The following TGDS variants were observed in gnomAD, a reference collection of about 807,000 sequenced individuals.
The protein encoded by TGDS is TDP-glucose 4,6-dehydratase.
Under a neutral mutation model 52.3 loss-of-function variants are expected in TGDS, and 47 were observed. That is an observed-to-expected ratio of 0.90 (90% CI 0.71 to 1.15). The LOEUF is 1.15. Among genes scored for constraint, TGDS ranks in the 50% most tolerant of loss-of-function variants. TGDS has a pLI of 0.00. For synonymous variants in TGDS, 115 were observed against 136.9 expected (o/e 0.84, Z 1.12); for missense variants, 375 against 418.4 (o/e 0.90, Z 0.90).
intron 4 of TGDS, among the ~76,000 whole-genome samples, chr13:94,588,761 T>C (rs1889089903): frequency 6.6e-6 from 1 of 152,176 alleles, no homozygotes; most frequent in Non-Finnish European, 1.5e-5. Flanking sequence ...ATTAACCAAG[T>C]AGAAGGACTT....
At chr13:94,593,768 G>A (rs1353112562) in intron 2 of TGDS, 73 bp downstream of exon 2, 1 of 1,102,306 alleles carries the variant, frequency 9.1e-7, no homozygotes, top group East Asian at 2.4e-5. Context: ...AGCATGACAA[G>A]ATTCTAGTAC....
chr13:94,595,905 T>G lies in TGDS; in HGVS notation c.86+146A>C. 3 of 827,886 alleles carry G rather than the reference T, an allele frequency of 3.6e-6. No individual in the cohort carries two copies. The South Asian group carries it at 4.6e-5, about 13-fold the overall frequency. The allele number at this position is 827,886 out of a possible 1,614,324, so 51.3% of individuals were successfully genotyped here. A position where few individuals can be genotyped will look rare whatever the true frequency, so the allele number is the denominator to read the frequency against. On this transcript the variant is annotated intron_variant, in intron 1 of 11. Coordinates refer to ENST00000261296, the MANE Select transcript of TGDS (RefSeq NM_014305.4). ...CTTTGCAGGCCAGAGAGAGAAAAGC[T>G]GGTCCAGGTCGTGCATTAGGACCCT...
intron 11 of TGDS, 124 bp downstream of exon 11, chr13:94,576,190 G>T: frequency 1.8e-6 from 1 of 561,268 alleles, no homozygotes; most frequent in Non-Finnish European, 2.8e-6. Flanking sequence ...ATGAAATGTG[G>T]CAATTTGAAA....
At position 94,577,033 on chromosome 13, in the gene TGDS, C is replaced by T. The variant is rs189572844; in HGVS notation, c.884+338G>A. 3.4e-3 allele frequency among the ~76,000 whole-genome samples: 519 copies of T among 150,670 alleles called. 5 individuals are homozygous for T. Among genetic ancestry groups the T allele is most frequent in the African/African-American group, 0.012 (486 of 40,922 alleles). On this transcript the variant is annotated intron_variant, in intron 10 of 11. Coordinates refer to ENST00000261296, the MANE Select transcript of TGDS (RefSeq NM_014305.4). ...GGAGAACTGCTTGAACCTGGGAAGG[C>T]AGAGATTGCAGTGAGCCGAGATTGC...
At position 94,593,831 on chromosome 13, in the gene TGDS, TA is replaced by T; in HGVS notation, c.153+9del. 1 of 1,538,304 alleles carries T rather than the reference TA, an allele frequency of 6.5e-7. No homozygotes were observed. Among genetic ancestry groups the T allele is most frequent in the Non-Finnish European group, 8.9e-7 (1 of 1,124,830 alleles). Reference sequence around the variant, plus strand: ...TTTCAGTGCATGATGCTCATTTTTATAAAACTCACCTTGTCTAGATTTATGA... The same window carrying T: ...TTTCAGTGCATGATGCTCATTTTTATAAACTCACCTTGTCTAGATTTATGA... On this transcript the variant is annotated intron_variant, in intron 2 of 11. Transcript: ENST00000261296.
rs752263870 is a variant in TGDS at position 94,574,845 on chromosome 13, C to T, written c.990G>A (p.Trp330Ter). 6.3e-7 allele frequency: 1 copy of T among 1,574,886 alleles called. No individual in the cohort carries two copies. ...WKEGIKKTIE[W>*]YRENFHNWKN... is the part of the protein sequence containing the mutation. Reference sequence around the variant, plus strand: ...TCCAGTTGTGAAAATTCTCTCTGTACCATTCAACTAATAGGAAAAAACAAA... The same window carrying T: ...TCCAGTTGTGAAAATTCTCTCTGTATCATTCAACTAATAGGAAAAAACAAA... The change falls in exon 12 of 12, where the codon TGG becomes TGA. Residue 330 changes from tryptophan to a stop codon, truncating the protein, a stop_gained. Transcript: ENST00000261296. LOFTEE classifies it high-confidence loss of function.
chr13:94,581,367 T>G (rs1293027633), intron 5 of TGDS, among the ~76,000 whole-genome samples, 178 bp from the exon 6 acceptor site: 1 of 152,148 alleles, frequency 6.6e-6, no homozygotes, highest in Non-Finnish European at 1.5e-5. Context: ...ACAACAATCC[T>G]ATATAGCAGA....
intron 7 of TGDS, chr13:94,579,442 GCA>G (rs1164483975): frequency 6.5e-6 from 1 of 152,886 alleles, no homozygotes; most frequent in Non-Finnish European, 1.5e-5. Context: ...ATGAGTTGAG[GCA>G]CAGTTAGCCA....
chr13:94,592,219 A>T, intron 3 of TGDS, 22 bp downstream of exon 3: 3 of 1,565,434 alleles, frequency 1.9e-6, no homozygotes, highest in Non-Finnish European at 2.6e-6. Flanking sequence ...GGCACGGTAC[A>T]GTTACAAGAA....
In TGDS at chr13:94,596,056, A is replaced by G; in HGVS notation, c.81T>C (p.Gly27=). The change falls in exon 1 of 12, where the codon GGT becomes GGC. Residue 27 remains glycine (G), a synonymous_variant. Transcript: ENST00000261296. ...CTAGCGGCGCCATTACCTACATGAA[A>G]CCAGCACCGCCGGTCACCAGGACCC... ...AKRVLVTGGA[G]FIASHMIVSL... is the part of the protein sequence containing the mutation. The G allele has an allele frequency of 6.2e-7, 1 of 1,613,812 alleles. No homozygotes were observed. Among genetic ancestry groups the G allele is most frequent in the African/African-American group, 1.3e-5 (1 of 74,946 alleles).
rs73546623 is a variant in TGDS at position 94,577,481 on chromosome 13, A to G, written c.826-52T>C. 42,916 of 1,452,096 alleles carry G rather than the reference A, an allele frequency of 0.03. 2,223 individuals are homozygous for G. The highest frequency in any genetic ancestry group is 0.23 in the African/African-American group (15,780 of 68,580). The allele number at this position is 1,452,096 out of a possible 1,614,324, so 90.0% of individuals were successfully genotyped here. On this transcript the variant is annotated intron_variant, in intron 9 of 11. Transcript: ENST00000261296. ...TCAAATTATAAAATGAGATCAGAGA[A>G]TAACAATAGTATTTAATGGCTGATT...
At chr13:94,591,165 T>C (rs1889189039) in intron 3 of TGDS, among the ~76,000 whole-genome samples, 2 of 152,238 alleles carry the variant, frequency 1.3e-5, no homozygotes, top group Non-Finnish European at 2.9e-5. Context: ...AATATTTTAA[T>C]GAGCACCAAC....
chr13:94,588,446 A>T (rs1171619551), intron 4 of TGDS, among the ~76,000 whole-genome samples: 1 of 145,728 alleles, frequency 6.9e-6, no homozygotes, highest in Non-Finnish European at 1.5e-5. Context: ...AAAAAAAAAA[A>T]AAAAGAATGC....
intron 4 of TGDS, among the ~76,000 whole-genome samples, chr13:94,590,196 C>T (rs1006808477): frequency 8.2e-5 from 12 of 147,076 alleles, no homozygotes; most frequent in African/African-American, 3.0e-4. Context: ...ATATATTTAA[C>T]ATATATTAAG....
rs932410475 is a variant in TGDS at position 94,577,288 on chromosome 13, A to G, written c.884+83T>C. ...AAAATTCAAAACAGATAAACTAGTTATTGGTCAAGTCCACATATTTTATAA... is the reference window on the plus strand; with the variant it reads ...AAAATTCAAAACAGATAAACTAGTTGTTGGTCAAGTCCACATATTTTATAA... On this transcript the variant is annotated intron_variant, in intron 10 of 11. Transcript: ENST00000261296. The G allele has an allele frequency of 3.8e-6, 4 of 1,045,676 alleles. No individual in the cohort carries two copies. In the African/African-American group the frequency reaches 4.9e-5, roughly 13 times the overall value. 64.8% of individuals were successfully genotyped at this position (1,045,676 alleles called of 1,614,324 possible). A position where few individuals can be genotyped will look rare whatever the true frequency, so the allele number is the denominator to read the frequency against.
chr13:94,578,272 G>A, intron 8 of TGDS, 102 bp from the exon 9 acceptor site: 1 of 1,074,584 alleles, frequency 9.3e-7, no homozygotes, highest in South Asian at 1.5e-5. Context: ...TTCCCATGGG[G>A]ATCCCAGAAT....
intron 10 of TGDS, among the ~76,000 whole-genome samples, chr13:94,576,919 G>A (rs760493774): frequency 1.5e-4 from 23 of 152,094 alleles, no homozygotes; most frequent in Non-Finnish European, 2.6e-4. Flanking sequence ...TGGCCAACAT[G>A]GTGCAAACCC....
intron 4 of TGDS, among the ~76,000 whole-genome samples, chr13:94,589,175 C>T (rs759383850): frequency 1.5e-4 from 23 of 152,084 alleles, no homozygotes; most frequent in Non-Finnish European, 3.2e-4. Flanking sequence ...ATAGGCCATA[C>T]AGAGAAGGCT....
At chr13:94,585,603 G>C (rs1385942143) in intron 4 of TGDS, among the ~76,000 whole-genome samples, 1 of 151,888 alleles carries the variant, frequency 6.6e-6, no homozygotes, top group Non-Finnish European at 1.5e-5. Context: ...TTTGAGACTA[G>C]TATGGCCAAC....
Sources: gnomAD v4.1 joint callset for allele counts (sites outside exome capture counted in the v4.1 genomes callset) on GRCh38, gnomAD v4.1.1 for gene constraint, MANE v1.5 for transcripts, NCBI Gene and HGNC (gene_info 2026-07-23, HGNC 2026-07-21) for gene names.